ZNF469: variants seen among roughly 807,000 people sequenced by gnomAD.
ZNF469 encodes zinc finger protein 469.
ZNF469 carries 1 observed loss-of-function variant against 1.0 expected under a neutral mutation model. The ratio of observed to expected loss-of-function variants is 1.00; its 90% confidence interval spans 0.35 to 4.73. The LOEUF is 4.73. ZNF469 is among the 30% of genes most tolerant of loss of function. The probability of loss-of-function intolerance (pLI) is 0.16; values close to 1 mark genes in which losing one functional copy is unlikely to be tolerated. For synonymous variants in ZNF469, 2,703 were observed against 2,363.4 expected, an observed-to-expected ratio of 1.14 and a Z score of -4.17; for missense variants, 6,100 against 5,356.3, an observed-to-expected ratio of 1.14 and a Z score of -4.33.
At chr16:88,232,717 C>T in the ZNF469 span, among the ~76,000 whole-genome samples, 13 of 152,358 alleles carry the variant, frequency 8.5e-5, no homozygotes, top group East Asian at 3.9e-4. Flanking sequence ...GCCCTGAGAA[C>T]GCCCTGCCTG....
chr16:88,220,445 C>G, the ZNF469 span, among the ~76,000 whole-genome samples: 2 of 152,196 alleles, frequency 1.3e-5, no homozygotes, highest in Non-Finnish European at 2.9e-5. Flanking sequence ...CCAGAGCTTT[C>G]TTGCCCGGAT....
At chr16:88,146,415 C>A in the ZNF469 span, among the ~76,000 whole-genome samples, 4 of 152,158 alleles carry the variant, frequency 2.6e-5, no homozygotes, top group African/African-American at 9.7e-5. Context: ...CCTGCAGTGG[C>A]AGCCGTGGCT....
chr16:88,285,275 G>A, the ZNF469 span, among the ~76,000 whole-genome samples: 1 of 152,276 alleles, frequency 6.6e-6, no homozygotes, highest in Admixed American at 6.5e-5. Flanking sequence ...GGTACATGAG[G>A]GTTCCTGCCA....
At chr16:88,334,916 A>G in the ZNF469 span, among the ~76,000 whole-genome samples, 1 of 152,112 alleles carries the variant, frequency 6.6e-6, no homozygotes, top group African/African-American at 2.4e-5. Context: ...ACAGAGATGG[A>G]TGTGGGAGCC....
the ZNF469 span, among the ~76,000 whole-genome samples, chr16:88,116,118 T>G: frequency 6.6e-6 from 1 of 152,080 alleles, no homozygotes; most frequent in African/African-American, 2.4e-5. Context: ...TATAGAGAAC[T>G]CTCAAAACTC....
the ZNF469 span, among the ~76,000 whole-genome samples, chr16:88,200,516 A>T: frequency 1.3e-5 from 2 of 152,214 alleles, no homozygotes; most frequent in Non-Finnish European, 2.9e-5. Flanking sequence ...CTCCCAGCTG[A>T]GCTGTCTTCC....
At chr16:88,355,417 G>C in the ZNF469 span, among the ~76,000 whole-genome samples, 1 of 152,204 alleles carries the variant, frequency 6.6e-6, no homozygotes, top group East Asian at 1.9e-4. Context: ...TGGCGCTCAC[G>C]GACGAATCAG....
chr16:88,431,728 G>A lies in ZNF469; in HGVS notation c.4258G>A (p.Glu1420Lys), dbSNP rs387907063. The A allele has an allele frequency of 5.5e-5, 86 of 1,550,110 alleles. No individual in the cohort carries two copies. The Middle Eastern group carries it at 6.7e-4, about 12-fold the overall frequency. The change falls in exon 3 of 3, where the codon GAG becomes AAG. Residue 1420 changes from glutamate (E) to lysine (K), a missense_variant. Transcript: ENST00000565624. ...ASSSCLCQDGEDAGSLEPQLP... is the reference protein window; with the variant it reads ...ASSSCLCQDGKDAGSLEPQLP... The stretch of plus-strand genomic sequence containing the variant: ...CAGCTCCTGCCTTTGCCAGGACGGC[G>A]AGGATGCCGGTTCCCTCGAGCCACA...
At chr16:88,384,432 G>A (rs1029837219) in intron 1 of ZNF469, among the ~76,000 whole-genome samples, 1 of 152,202 alleles carries the variant, frequency 6.6e-6, no homozygotes, top group Non-Finnish European at 1.5e-5. Flanking sequence ...GGACAGCGTC[G>A]GGCGTGAGGG....
At chr16:88,119,301 C>T in the ZNF469 span, among the ~76,000 whole-genome samples, 9 of 152,352 alleles carry the variant, frequency 5.9e-5, no homozygotes, top group Non-Finnish European at 8.8e-5. Context: ...CTCCCTCCCT[C>T]GCTTCATCCC....
In ZNF469 at chr16:88,436,047, C is replaced by T. The variant is rs1057524534; in HGVS notation, c.8577C>T (p.Phe2859=). Residue 2859 remains phenylalanine (F), a synonymous_variant, in exon 3 of 3, where the codon TTC becomes TTT. Transcript: ENST00000565624. The part of the protein sequence containing the change: ...PPSLFDDEVS[F]SQLFPPGGRL... The stretch of plus-strand genomic sequence containing the variant: ...GCTTGTTTGATGATGAGGTCTCTTT[C>T]TCCCAGCTCTTCCCTCCAGGCGGTC... 10 of 1,550,186 alleles carry T rather than the reference C, an allele frequency of 6.5e-6. No homozygotes were observed. The African/African-American group carries it at 1.1e-4, about 17-fold the overall frequency.
chr16:88,432,206 A>G lies in ZNF469; in HGVS notation c.4736A>G (p.Lys1579Arg). 1 of 1,550,192 alleles carries G rather than the reference A, an allele frequency of 6.5e-7. No individual in the cohort carries two copies. Among genetic ancestry groups the G allele is most frequent in the South Asian group, 1.2e-5 (1 of 84,064 alleles). Residue 1579 changes from lysine (K) to arginine (R), a missense_variant, in exon 3 of 3, where the codon AAA becomes AGA. Physicochemically the swap from Lys to Arg is conservative, Grantham distance 26. Transcript: ENST00000565624. ...TTAGAAAGTCAGCTGCAAAGGAGCAAAGACACACGTGGGGCCCCGAGAGAG... is the reference window on the plus strand; with the variant it reads ...TTAGAAAGTCAGCTGCAAAGGAGCAGAGACACACGTGGGGCCCCGAGAGAG... ...TELESQLQRS[K>R]DTRGAPRELA...
rs1906524275 is a variant in ZNF469 at position 88,435,727 on chromosome 16, A to G, written c.8257A>G (p.Arg2753Gly). 14 of 1,550,812 alleles carry G rather than the reference A, an allele frequency of 9.0e-6. No individual in the cohort carries two copies. Among genetic ancestry groups the G allele is most frequent in the African/African-American group, 1.4e-5 (1 of 73,178 alleles). ...AACTGGGCAGAAGGGAGCCTCGGCA[A>G]GGGGGTTCTGGGGACCAAGAGAGAC... ...QPTGQKGASA[R>G]GFWGPRETKA... Residue 2753 changes from arginine to glycine, a missense_variant, in exon 3 of 3, where the codon AGG (arginine) becomes GGG (glycine). Coordinates refer to ENST00000565624, the MANE Select transcript of ZNF469 (RefSeq NM_001367624.2).
At chr16:88,245,329 G>A in the ZNF469 span, among the ~76,000 whole-genome samples, 1 of 152,236 alleles carries the variant, frequency 6.6e-6, no homozygotes, top group Non-Finnish European at 1.5e-5. Flanking sequence ...CAGGCTGTGG[G>A]AGCAGAGCTG....
Position 88,436,068 on chromosome 16 carries a change from C to T in ZNF469, c.8598C>T (p.Gly2866=), listed in dbSNP as rs994143171. Residue 2866 remains glycine, a synonymous_variant, in exon 3 of 3, where the codon GGC becomes GGT. Transcript: ENST00000565624. ...EVSFSQLFPP[G]GRLTRKRNPH... ...CTTTCTCCCAGCTCTTCCCTCCAGG[C>T]GGTCGCTTGACTAGAAAGAGGAACC... The T allele has an allele frequency of 1.5e-5, 24 of 1,550,028 alleles. No individual in the cohort carries two copies. Among genetic ancestry groups the T allele is most frequent in the East Asian group, 7.3e-5 (3 of 40,938 alleles).
the ZNF469 span, among the ~76,000 whole-genome samples, chr16:88,341,594 G>A: frequency 2.3e-3 from 354 of 152,308 alleles, 2 homozygotes; most frequent in African/African-American, 7.4e-3. Context: ...CCTAACTCCC[G>A]CACGGCTCAC....
intron 1 of ZNF469, among the ~76,000 whole-genome samples, chr16:88,411,969 G>C (rs941577899): frequency 4.2e-3 from 1 of 236 alleles, no homozygotes; most frequent in South Asian, 0.25. Flanking sequence ...GCGTGGTGTC[G>C]CACAGCAAGG....
the ZNF469 span, among the ~76,000 whole-genome samples, chr16:88,130,778 A>G: frequency 1.3e-5 from 2 of 151,604 alleles, no homozygotes; most frequent in South Asian, 4.2e-4. Flanking sequence ...TCAGTGGTTC[A>G]GACACACGAA....
At chr16:88,318,120 A>G in the ZNF469 span, among the ~76,000 whole-genome samples, 2 of 152,214 alleles carry the variant, frequency 1.3e-5, no homozygotes, top group Non-Finnish European at 2.9e-5. Flanking sequence ...TGGGCCTCTC[A>G]GGTTTGGACA....
Sources: gnomAD v4.1 joint callset for allele counts (sites outside exome capture counted in the v4.1 genomes callset) on GRCh38, gnomAD v4.1.1 for gene constraint, MANE v1.5 for transcripts, NCBI Gene and HGNC (gene_info 2026-07-23, HGNC 2026-07-21) for gene names.